The following FGF14 variants were observed in gnomAD, a reference collection of about 807,000 sequenced individuals.
FGF14 encodes the protein fibroblast growth factor homologous factor 4.
In FGF14, 5 loss-of-function variants were observed where a neutral mutation model predicts 25.5. The ratio of observed to expected loss-of-function variants is 0.20; its 90% CI spans 0.10 to 0.41. The LOEUF (loss-of-function observed/expected upper bound fraction) is 0.41, where lower values mean the gene tolerates loss of function less well. FGF14 is among the 10% of genes least tolerant of loss of function. FGF14 has a pLI of 1.00. For synonymous variants in FGF14, 138 were observed against 118.3 expected (o/e 1.17, Z -1.08); for missense variants, 222 against 320.1 (o/e 0.69, Z 2.34).
At chr13:101,981,152 C>A (rs2038236014) in intron 1 of FGF14, among the ~76,000 whole-genome samples, 1 of 150,836 alleles carries the variant, frequency 6.6e-6, no homozygotes, top group Non-Finnish European at 1.5e-5. Context: ...TGGTGGCATG[C>A]ACCTGTAATC....
chr13:102,203,976 A>C (rs1232376107), intron 1 of FGF14, among the ~76,000 whole-genome samples: 1 of 152,180 alleles, frequency 6.6e-6, no homozygotes, highest in Non-Finnish European at 1.5e-5. Context: ...AGTGGGAAAG[A>C]CTACATGACC....
chr13:101,972,498 T>C (rs1241788364), intron 1 of FGF14, among the ~76,000 whole-genome samples: 1 of 152,216 alleles, frequency 6.6e-6, no homozygotes, highest in East Asian at 1.9e-4. Context: ...AGATATTCCC[T>C]GCTCCAAATT....
At chr13:101,814,155 T>A (rs2041715820) in intron 3 of FGF14, among the ~76,000 whole-genome samples, 1 of 152,198 alleles carries the variant, frequency 6.6e-6, no homozygotes, top group African/African-American at 2.4e-5. Context: ...AGCATCTGCA[T>A]CACCTGAGAG....
At chr13:101,738,468 G>A (rs955206132) in intron 3 of FGF14, among the ~76,000 whole-genome samples, 5 of 152,070 alleles carry the variant, frequency 3.3e-5, no homozygotes, top group Non-Finnish European at 7.4e-5. Context: ...TTTATTAGCC[G>A]GGAACACATC....
At chr13:102,014,811 G>GA (rs968882309) in intron 1 of FGF14, among the ~76,000 whole-genome samples, 4 of 152,086 alleles carry the variant, frequency 2.6e-5, no homozygotes, top group Admixed American at 6.6e-5. Context: ...CTTTGTTGCA[G>GA]AAAAAAGATG....
At chr13:102,121,976 G>C (rs187417273) in intron 1 of FGF14, among the ~76,000 whole-genome samples, 1 of 152,174 alleles carries the variant, frequency 6.6e-6, no homozygotes, top group Non-Finnish European at 1.5e-5. Flanking sequence ...GGTTTCAATG[G>C]AATGAAATCA....
intron 1 of FGF14, among the ~76,000 whole-genome samples, chr13:102,144,314 T>C (rs949922493): frequency 3.9e-5 from 6 of 152,194 alleles, no homozygotes; most frequent in African/African-American, 1.2e-4. Flanking sequence ...ATCTTCTCCA[T>C]GATTTTCCTT....
intron 1 of FGF14, among the ~76,000 whole-genome samples, chr13:102,130,465 G>T (rs901962336): frequency 6.6e-6 from 1 of 152,086 alleles, no homozygotes; most frequent in Admixed American, 6.6e-5. Context: ...CAATTTTAAA[G>T]ACCTTTGTGA....
intron 1 of FGF14, among the ~76,000 whole-genome samples, chr13:102,079,860 G>GCCT (rs2043535122): frequency 6.6e-6 from 1 of 152,094 alleles, no homozygotes; most frequent in African/African-American, 2.4e-5. Context: ...CGACCTTTGA[G>GCCT]CAAAGACCTA....
At chr13:102,043,525 T>C (rs1412067471) in intron 1 of FGF14, among the ~76,000 whole-genome samples, 1 of 152,156 alleles carries the variant, frequency 6.6e-6, no homozygotes, top group Non-Finnish European at 1.5e-5. Context: ...GTGGAACATT[T>C]TTCCCCTAGA....
At chr13:102,374,106 G>A (rs1360755694) in intron 1 of FGF14, among the ~76,000 whole-genome samples, 1 of 152,096 alleles carries the variant, frequency 6.6e-6, no homozygotes, top group Non-Finnish European at 1.5e-5. Flanking sequence ...ACCCTACTAT[G>A]ACATCGTACT....
intron 3 of FGF14, among the ~76,000 whole-genome samples, chr13:101,841,162 G>A (rs775800531): frequency 6.6e-5 from 10 of 151,780 alleles, no homozygotes; most frequent in Non-Finnish European, 1.3e-4. Flanking sequence ...AAAAACTTAA[G>A]TGGCATATAC....
chr13:102,112,296 T>C (rs2045269438), intron 1 of FGF14, among the ~76,000 whole-genome samples: 1 of 152,172 alleles, frequency 6.6e-6, no homozygotes, highest in Non-Finnish European at 1.5e-5. Context: ...CTACCGCAGC[T>C]AGACATGAAT....
intron 1 of FGF14, among the ~76,000 whole-genome samples, chr13:101,927,997 G>A (rs548262306): frequency 3.3e-5 from 5 of 152,180 alleles, no homozygotes; most frequent in South Asian, 2.1e-4. Context: ...TTTCATCCCC[G>A]GTGACACTAG....
intron 3 of FGF14, among the ~76,000 whole-genome samples, chr13:101,789,045 T>C (rs1488373291): frequency 6.6e-6 from 1 of 150,400 alleles, no homozygotes; most frequent in Non-Finnish European, 1.5e-5. Context: ...GAACGACCCA[T>C]GATTTGGTTT....
chr13:102,250,186 C>T (rs2052098265), intron 1 of FGF14, among the ~76,000 whole-genome samples: 2 of 152,096 alleles, frequency 1.3e-5, no homozygotes, highest in South Asian at 4.1e-4. Context: ...TGTCTTTCTG[C>T]CTAGCCTCTT....
intron 3 of FGF14, among the ~76,000 whole-genome samples, chr13:101,859,250 ACT>A (rs1212523306): frequency 6.6e-6 from 1 of 151,896 alleles, no homozygotes; most frequent in Non-Finnish European, 1.5e-5. Flanking sequence ...CAGATTAAAA[ACT>A]CCCTACATAG....
At chr13:101,943,018 G>C (rs1428163106) in intron 1 of FGF14, among the ~76,000 whole-genome samples, 2 of 152,140 alleles carry the variant, frequency 1.3e-5, no homozygotes, top group Non-Finnish European at 2.9e-5. Context: ...GCACAGCAGG[G>C]GGCCTCAGCT....
chr13:102,172,313 T>C (rs2048284006), intron 1 of FGF14, among the ~76,000 whole-genome samples: 1 of 152,066 alleles, frequency 6.6e-6, no homozygotes, highest in African/African-American at 2.4e-5. Flanking sequence ...CCTTCGACAA[T>C]TTTATTAGCA....
Sources: allele counts gnomAD v4.1 joint callset (sites outside exome capture counted in the v4.1 genomes callset), GRCh38; gene constraint gnomAD v4.1.1; transcripts MANE v1.5; gene names NCBI Gene and HGNC (gene_info 2026-07-23, HGNC 2026-07-21).